MALRD1: variants seen among roughly 807,000 people sequenced by gnomAD.
MALRD1 encodes MAM and LDL receptor class A domain containing 1, also known as MAM and LDL-receptor class A domain-containing protein 1.
Under a neutral mutation model 242.1 loss-of-function variants are expected in MALRD1, and 247 were observed. That is an observed-to-expected ratio of 1.02 (90% CI 0.92 to 1.13). The LOEUF (loss-of-function observed/expected upper bound fraction) is 1.13, where lower values mean the gene tolerates loss of function less well. Ranked by LOEUF, MALRD1 falls within the 50% of genes most tolerant of loss-of-function variation. The pLI is 0.00. For synonymous variants in MALRD1, 995 were observed against 866.6 expected, an observed-to-expected ratio of 1.15 and a Z score of -2.60; for missense variants, 2,989 against 2,533.1, an observed-to-expected ratio of 1.18 and a Z score of -3.86.
intron 25 of MALRD1, among the ~76,000 whole-genome samples, chr10:19,348,256 A>G (rs1435432602): frequency 6.6e-6 from 1 of 151,454 alleles, no homozygotes; most frequent in Admixed American, 6.6e-5. Context: ...AAGTTTGGGA[A>G]ACTGTTGGAA....
intron 29 of MALRD1, chr10:19,489,476 C>G (rs1407590670): frequency 3.5e-6 from 2 of 572,592 alleles, no homozygotes; most frequent in Admixed American, 2.0e-5. Flanking sequence ...TTTTATCAAC[C>G]ATTTTGTAAA....
chr10:19,272,008 T>C (rs1840272142), intron 19 of MALRD1, among the ~76,000 whole-genome samples: 1 of 152,138 alleles, frequency 6.6e-6, no homozygotes, highest in Admixed American at 6.5e-5. Context: ...TAAAAATTTA[T>C]ACATTTCATA....
At chr10:19,113,766 C>T (rs1836765405) in intron 5 of MALRD1, among the ~76,000 whole-genome samples, 2 of 150,320 alleles carry the variant, frequency 1.3e-5, no homozygotes, top group African/African-American at 4.9e-5. Context: ...TGTAGACTAT[C>T]CCTCCACATT....
chr10:19,519,746 A>G (rs1833794365), intron 31 of MALRD1, among the ~76,000 whole-genome samples: 1 of 152,218 alleles, frequency 6.6e-6, no homozygotes, highest in Non-Finnish European at 1.5e-5. Flanking sequence ...CCAGGGCAAC[A>G]GAGCTAGGTG....
chr10:19,308,504 T>G (rs1842311718), intron 21 of MALRD1, among the ~76,000 whole-genome samples: 1 of 151,538 alleles, frequency 6.6e-6, no homozygotes, highest in African/African-American at 2.4e-5. Flanking sequence ...AAACTTGGCC[T>G]AGGGGGAGTC....
At chr10:19,491,818 A>G (rs1175890670) in intron 30 of MALRD1, among the ~76,000 whole-genome samples, 173 bp downstream of exon 30, 1 of 152,240 alleles carries the variant, frequency 6.6e-6, no homozygotes, top group Non-Finnish European at 1.5e-5. Context: ...AAATACAAAT[A>G]CAAATGACAG....
At chr10:19,445,482 G>C (rs993642189) in intron 28 of MALRD1, among the ~76,000 whole-genome samples, 1 of 152,212 alleles carries the variant, frequency 6.6e-6, no homozygotes, top group Non-Finnish European at 1.5e-5. Context: ...GTGACATACA[G>C]ATGGGGTTTT....
intron 28 of MALRD1, among the ~76,000 whole-genome samples, chr10:19,402,508 A>T (rs1396453219): frequency 2.0e-5 from 3 of 152,136 alleles, no homozygotes; most frequent in South Asian, 4.1e-4. Context: ...ACTTACCTTC[A>T]GCCATGACTG....
At chr10:19,591,497 GTT>G (rs35785107) in intron 33 of MALRD1, among the ~76,000 whole-genome samples, 9,901 of 116,274 alleles carry the variant, frequency 0.085, 729 homozygotes, top group African/African-American at 0.27. Flanking sequence ...TTTTATTTTA[GTT>G]TTTTTTTTTT....
chr10:19,173,734 A>G (rs971640102), intron 13 of MALRD1, among the ~76,000 whole-genome samples: 3 of 152,196 alleles, frequency 2.0e-5, no homozygotes, highest in Admixed American at 6.5e-5. Flanking sequence ...ATTTGGTATC[A>G]TGGAGGCTTA....
At chr10:19,128,946 C>T (rs1399963091) in intron 8 of MALRD1, among the ~76,000 whole-genome samples, 1 of 152,022 alleles carries the variant, frequency 6.6e-6, no homozygotes, top group Non-Finnish European at 1.5e-5. Context: ...CAGATAAAAA[C>T]AAACTGACAG....
chr10:19,688,654 T>G (rs778535516), intron 36 of MALRD1, among the ~76,000 whole-genome samples: 11 of 152,212 alleles, frequency 7.2e-5, no homozygotes, highest in Non-Finnish European at 1.3e-4. Context: ...TGTTTTCGCT[T>G]CCAGCCCACA....
At chr10:19,098,648 G>C (rs781485260) in intron 4 of MALRD1, among the ~76,000 whole-genome samples, 1 of 152,088 alleles carries the variant, frequency 6.6e-6, no homozygotes, top group Non-Finnish European at 1.5e-5. Flanking sequence ...ACATATAACC[G>C]TAAGTGTTTT....
intron 29 of MALRD1, among the ~76,000 whole-genome samples, chr10:19,480,109 A>G (rs1468441795): frequency 6.6e-6 from 1 of 152,230 alleles, no homozygotes; most frequent in Non-Finnish European, 1.5e-5. Flanking sequence ...AGTGCGTGAA[A>G]GAAGATGGTG....
chr10:19,127,573 T>G (rs1837322202), intron 7 of MALRD1, among the ~76,000 whole-genome samples: 1 of 152,188 alleles, frequency 6.6e-6, no homozygotes, highest in South Asian at 2.1e-4. Context: ...AATGAAGTTG[T>G]AAAATTATAG....
rs541305995 is a variant in MALRD1, at chr10:19,727,700, T to TG, written c.6315-3001dup. On this transcript the variant is annotated intron_variant, in intron 38 of 39. Transcript: ENST00000454679. ...CAATTCTTACAACTCACTTATTCAT[T>TG]GGGGGAAAAAAAATCAACTGCTTAA... Among the ~76,000 whole-genome samples, 254 of 151,974 alleles carry TG rather than the reference T, an allele frequency of 1.7e-3. 2 individuals are homozygous for TG. The highest frequency in any genetic ancestry group is 6.0e-3 in the African/African-American group (247 of 41,464).
At chr10:19,469,064 A>G (rs1836367170) in intron 29 of MALRD1, among the ~76,000 whole-genome samples, 1 of 152,166 alleles carries the variant, frequency 6.6e-6, no homozygotes, top group African/African-American at 2.4e-5. Context: ...GCCCCACAGC[A>G]GACCAATTAA....
intron 8 of MALRD1, among the ~76,000 whole-genome samples, chr10:19,128,640 A>G (rs1237451264): frequency 1.3e-5 from 2 of 152,210 alleles, no homozygotes; most frequent in East Asian, 1.9e-4. Flanking sequence ...TAAAGAAACT[A>G]TAGATCTAAT....
chr10:19,150,546 C>A (rs925729924), intron 11 of MALRD1, among the ~76,000 whole-genome samples: 1 of 152,182 alleles, frequency 6.6e-6, no homozygotes, highest in African/African-American at 2.4e-5. Context: ...GACTACCACA[C>A]TCCTGTGTTT....
Sources: gnomAD v4.1 joint callset for allele counts (sites outside exome capture counted in the v4.1 genomes callset) on GRCh38, gnomAD v4.1.1 for gene constraint, MANE v1.5 for transcripts, NCBI Gene and HGNC (gene_info 2026-07-23, HGNC 2026-07-21) for gene names.